Variants in OSBPL9 observed in about 807,000 individuals in gnomAD.
OSBPL9 encodes oxysterol-binding protein-related protein 9.
In OSBPL9, 40 loss-of-function variants were observed where a neutral mutation model predicts 106.6. The ratio of observed to expected loss-of-function variants is 0.38; its 90% CI spans 0.29 to 0.49. OSBPL9 has a LOEUF of 0.49. Ranked by LOEUF, OSBPL9 falls within the 20% of genes least tolerant of loss-of-function variation. The probability of loss-of-function intolerance (pLI) is 0.97; values close to 1 mark genes in which losing one functional copy is unlikely to be tolerated. For missense variants in OSBPL9, 609 were observed against 887.2 expected, an observed-to-expected ratio of 0.69 and a Z score of 3.98; for synonymous variants, 269 against 295.4, an observed-to-expected ratio of 0.91 and a Z score of 0.92.
At chr1:51,786,995 AG>A (rs1191247767) in intron 22 of OSBPL9, among the ~76,000 whole-genome samples, 1 of 152,178 alleles carries the variant, frequency 6.6e-6, no homozygotes, top group African/African-American at 2.4e-5. Context: ...TAACACTTAC[AG>A]GTATATATTA....
At chr1:51,687,165 G>A (rs1653988436) in intron 3 of OSBPL9, among the ~76,000 whole-genome samples, 1 of 152,192 alleles carries the variant, frequency 6.6e-6, no homozygotes, top group African/African-American at 2.4e-5. Flanking sequence ...TTGGCTTAGT[G>A]ATAACCCAAA....
At chr1:51,549,274 T>G in the OSBPL9 span, among the ~76,000 whole-genome samples, 2 of 152,200 alleles carry the variant, frequency 1.3e-5, no homozygotes, top group Non-Finnish European at 2.9e-5. Flanking sequence ...TCTTTTTTGT[T>G]TTTAACCTTC....
At chr1:51,604,561 A>C (rs904769384) in intron 2 of OSBPL9, among the ~76,000 whole-genome samples, 22 of 151,550 alleles carry the variant, frequency 1.5e-4, no homozygotes, top group African/African-American at 5.1e-4. Context: ...GTCTCAAAGA[A>C]AAAAAAAATT....
the OSBPL9 span, among the ~76,000 whole-genome samples, chr1:51,540,631 C>G: frequency 2.2e-5 from 3 of 137,676 alleles, no homozygotes; most frequent in South Asian, 2.3e-4. Context: ...TCCAGCCTGG[C>G]CGCAGAGCAA....
intron 8 of OSBPL9, among the ~76,000 whole-genome samples, chr1:51,752,887 C>G (rs529511373): frequency 1.3e-5 from 2 of 152,304 alleles, no homozygotes; most frequent in African/African-American, 2.4e-5. Flanking sequence ...ATATAGCCAC[C>G]TTTGGGGTTA....
the OSBPL9 span, chr1:51,519,419 A>AGCCGGCCGCGGC: frequency 1.2e-5 from 2 of 164,614 alleles, no homozygotes; most frequent in African/African-American, 5.1e-5. Context: ...CGCCCGCCGG[A>AGCCGGCCGCGGC]GCCGGCCGCG....
intron 4 of OSBPL9, among the ~76,000 whole-genome samples, chr1:51,727,169 C>T (rs1014443351): frequency 2.1e-5 from 3 of 143,960 alleles, no homozygotes; most frequent in Non-Finnish European, 3.0e-5. Flanking sequence ...CTTAGAGAAC[C>T]GTTTGATCAG....
chr1:51,529,058 T>TG, the OSBPL9 span, among the ~76,000 whole-genome samples: 1 of 152,154 alleles, frequency 6.6e-6, no homozygotes, highest in Non-Finnish European at 1.5e-5. Context: ...GACTTAAGAT[T>TG]GTTAATATGG....
At chr1:51,595,275 C>T (rs1023823056) in intron 1 of OSBPL9, among the ~76,000 whole-genome samples, 3 of 152,022 alleles carry the variant, frequency 2.0e-5, no homozygotes, top group African/African-American at 4.8e-5. Context: ...CTGGGGTGCT[C>T]GACTTTGTGG....
chr1:51,634,896 C>G lies in OSBPL9; in HGVS notation c.112-17095C>G, dbSNP rs1163100620. 2.0e-5 allele frequency among the ~76,000 whole-genome samples: 3 copies of G among 152,134 alleles called. 1 individual carries two copies. Among genetic ancestry groups the G allele is most frequent in the Non-Finnish European group, 1.5e-5 (1 of 68,024 alleles). ...ATAAGAACCAAGGGAAGAGGGAAACCGCTGAAAACCATCATATCTCATGAG... is the reference window on the plus strand; with the variant it reads ...ATAAGAACCAAGGGAAGAGGGAAACGGCTGAAAACCATCATATCTCATGAG... On this transcript the variant is annotated intron_variant, in intron 1 of 23. Transcript: ENST00000428468.
At chr1:51,692,941 C>T (rs1023880927) in intron 3 of OSBPL9, among the ~76,000 whole-genome samples, 11 of 152,004 alleles carry the variant, frequency 7.2e-5, no homozygotes, top group Admixed American at 1.3e-4. Context: ...TGAGAATGCT[C>T]GGTTAGGGGG....
the OSBPL9 span, among the ~76,000 whole-genome samples, chr1:51,543,660 G>A: frequency 6.6e-6 from 1 of 152,240 alleles, no homozygotes; most frequent in African/African-American, 2.4e-5. Context: ...CTCCCAAAGT[G>A]CTGGGATTAC....
At chr1:51,535,901 A>T in the OSBPL9 span, among the ~76,000 whole-genome samples, 1 of 152,140 alleles carries the variant, frequency 6.6e-6, no homozygotes, top group South Asian at 2.1e-4. Flanking sequence ...ACTTTGAAAT[A>T]ATCTCAAACT....
At chr1:51,678,436 G>A (rs1158590323) in intron 3 of OSBPL9, among the ~76,000 whole-genome samples, 5 of 152,064 alleles carry the variant, frequency 3.3e-5, no homozygotes, top group South Asian at 4.1e-4. Flanking sequence ...CAAGGCGGGC[G>A]GATCATCTGA....
the OSBPL9 span, among the ~76,000 whole-genome samples, chr1:51,562,309 C>G: frequency 2.6e-5 from 4 of 152,098 alleles, no homozygotes; most frequent in African/African-American, 7.2e-5. Context: ...GCACCTCCCC[C>G]CTTTCTCTCT....
At chr1:51,700,828 A>G (rs892253364) in intron 3 of OSBPL9, among the ~76,000 whole-genome samples, 1 of 151,810 alleles carries the variant, frequency 6.6e-6, no homozygotes, top group Non-Finnish European at 1.5e-5. Flanking sequence ...GTTTCTTCTC[A>G]CTTTTGCCCA....
intron 12 of OSBPL9, among the ~76,000 whole-genome samples, chr1:51,770,175 G>A (rs977229834): frequency 6.8e-6 from 1 of 146,104 alleles, no homozygotes; most frequent in African/African-American, 2.5e-5. Context: ...TCACTCTGTC[G>A]CCCAAACTGG....
intron 2 of OSBPL9, among the ~76,000 whole-genome samples, chr1:51,666,293 C>G (rs538449224): frequency 5.3e-5 from 8 of 152,146 alleles, no homozygotes; most frequent in Non-Finnish European, 8.8e-5. Flanking sequence ...CAAAAAGCTC[C>G]TCTCTGAAAG....
rs1663906188 is a variant in OSBPL9, at chr1:51,729,804, G to A, written c.318+15725G>A. ...CTCCGCCGGGGAGGGGACGGGAAAG[G>A]GGTGGGGGGTGAAGGGGGTGAAGGG... On this transcript the variant is annotated intron_variant, in intron 4 of 23. Coordinates refer to ENST00000428468, the MANE Select transcript of OSBPL9 (RefSeq NM_024586.6). The surrounding 1 kb of genome is among the most constrained non-coding windows in gnomAD (Gnocchi z 5.1). 8.1e-7 allele frequency: 1 copy of A among 1,238,796 alleles called. No homozygotes were observed. The highest frequency in any genetic ancestry group is 1.6e-5 in the African/African-American group (1 of 64,092). The allele number at this position is 1,238,796 out of a possible 1,614,324, so 76.7% of individuals were successfully genotyped here. A position where few individuals can be genotyped will look rare whatever the true frequency, so the allele number is the denominator to read the frequency against.
Sources: allele counts gnomAD v4.1 joint callset (sites outside exome capture counted in the v4.1 genomes callset), GRCh38; gene constraint gnomAD v4.1.1; non-coding constraint Gnocchi (gnomAD v3.1); transcripts MANE v1.5; gene names NCBI Gene and HGNC (gene_info 2026-07-23, HGNC 2026-07-21).